Variants in BARX2 observed in about 807,000 individuals in gnomAD.
The protein encoded by BARX2 is BARX homeobox 2.
A neutral mutation model predicts 25.5 loss-of-function variants in BARX2; 11 were observed. The ratio of observed to expected loss-of-function variants is 0.43; its 90% CI spans 0.27 to 0.71. BARX2 has a LOEUF of 0.71. BARX2 is among the 30% of genes least tolerant of loss of function. The pLI, the probability that BARX2 is intolerant of heterozygous loss-of-function variation, is 0.19. For missense variants in BARX2, 360 were observed against 359.9 expected (o/e 1.00, Z 0.00); for synonymous variants, 137 against 149.5 (o/e 0.92, Z 0.61).
chr11:129,404,372 T>C (rs935555906), intron 1 of BARX2, among the ~76,000 whole-genome samples: 1 of 152,194 alleles, frequency 6.6e-6, no homozygotes, highest in Non-Finnish European at 1.5e-5. Flanking sequence ...GTGACACTTA[T>C]CACCTTGCTT....
At chr11:129,378,243 T>C (rs1221869168) in intron 1 of BARX2, among the ~76,000 whole-genome samples, 1 of 152,220 alleles carries the variant, frequency 6.6e-6, no homozygotes, top group Non-Finnish European at 1.5e-5. Context: ...AATTAAAATA[T>C]AGAAACTGGG....
In BARX2 at chr11:129,442,730, C is replaced by T. The variant is rs1401379008; in HGVS notation, c.489-105C>T. Reference sequence around the variant, plus strand: ...CTCGTTTAATGGGGGAGGTCCGAGCCTTGGTAGCCAGTGCTGGAGCCTGTC... The same window carrying T: ...CTCGTTTAATGGGGGAGGTCCGAGCTTTGGTAGCCAGTGCTGGAGCCTGTC... On this transcript the variant is annotated intron_variant, in intron 2 of 3. Coordinates refer to ENST00000281437, the MANE Select transcript of BARX2 (RefSeq NM_003658.5). The T allele has an allele frequency of 5.0e-6, 5 of 1,002,226 alleles. No individual in the cohort carries two copies. In the South Asian group the frequency reaches 6.4e-5, roughly 13 times the overall value. The allele number at this position is 1,002,226 out of a possible 1,614,324, so 62.1% of individuals were successfully genotyped here.
At chr11:129,444,635 GGTT>G (rs1862302589) in intron 3 of BARX2, among the ~76,000 whole-genome samples, 1 of 152,170 alleles carries the variant, frequency 6.6e-6, no homozygotes. Flanking sequence ...ATTAAGTGCT[GGTT>G]GTTACGGATT....
chr11:129,434,163 T>A (rs1194812104), intron 1 of BARX2, among the ~76,000 whole-genome samples: 1 of 151,962 alleles, frequency 6.6e-6, no homozygotes, highest in Non-Finnish European at 1.5e-5. Flanking sequence ...TGATTTTACA[T>A]CATATTTTTC....
intron 3 of BARX2, among the ~76,000 whole-genome samples, chr11:129,447,887 C>T (rs1862350279): frequency 6.6e-6 from 1 of 152,178 alleles, no homozygotes; most frequent in South Asian, 2.1e-4. Context: ...TAAATTCCAT[C>T]TTGGCACAAT....
intron 1 of BARX2, among the ~76,000 whole-genome samples, chr11:129,381,497 T>C (rs966543829): frequency 6.6e-6 from 1 of 152,206 alleles, no homozygotes; most frequent in African/African-American, 2.4e-5. Flanking sequence ...GAATTTTCTC[T>C]TTGAACTCTA....
intron 1 of BARX2, among the ~76,000 whole-genome samples, chr11:129,424,273 G>C (rs949139693): frequency 2.6e-5 from 4 of 152,192 alleles, no homozygotes; most frequent in East Asian, 1.9e-4. Context: ...GCTTGTGACT[G>C]TCTCTGACAC....
intron 1 of BARX2, among the ~76,000 whole-genome samples, chr11:129,400,820 T>C (rs1861767988): frequency 6.6e-6 from 1 of 152,066 alleles, no homozygotes; most frequent in Non-Finnish European, 1.5e-5. Context: ...GCAGAGGGAC[T>C]CCCAGCATAT....
At chr11:129,377,213 T>G (rs1047142312) in intron 1 of BARX2, among the ~76,000 whole-genome samples, 1 of 152,206 alleles carries the variant, frequency 6.6e-6, no homozygotes, top group African/African-American at 2.4e-5. Flanking sequence ...TGAGATAAAT[T>G]AAATTACACT....
chr11:129,383,839 A>G (rs1328593532), intron 1 of BARX2, among the ~76,000 whole-genome samples: 1 of 152,046 alleles, frequency 6.6e-6, no homozygotes, highest in African/African-American at 2.4e-5. Flanking sequence ...TCTTCTGGGT[A>G]TTGAGGAAAG....
At chr11:129,380,512 A>C (rs1225847913) in intron 1 of BARX2, among the ~76,000 whole-genome samples, 2 of 152,120 alleles carry the variant, frequency 1.3e-5, no homozygotes, top group Non-Finnish European at 2.9e-5. Flanking sequence ...AACTCATAGG[A>C]TCTTAGGAAC....
intron 1 of BARX2, among the ~76,000 whole-genome samples, chr11:129,379,969 A>G (rs552712774): frequency 1.3e-5 from 2 of 151,872 alleles, no homozygotes; most frequent in Middle Eastern, 3.4e-3. Context: ...GGTCTGTTGA[A>G]TCTCTTACCT....
chr11:129,417,050 C>T (rs933903632), intron 1 of BARX2, among the ~76,000 whole-genome samples: 57 of 151,946 alleles, frequency 3.8e-4, no homozygotes, highest in African/African-American at 1.3e-3. Flanking sequence ...TGCAGGCTCC[C>T]GCCACCACGC....
intron 2 of BARX2, among the ~76,000 whole-genome samples, chr11:129,442,488 G>A (rs372983490): frequency 2.0e-5 from 3 of 152,296 alleles, no homozygotes; most frequent in South Asian, 4.2e-4. Flanking sequence ...CAGTCTGGAC[G>A]ATGGGCCAGA....
Position 129,426,678 on chromosome 11 carries a change from C to T in BARX2, c.188-10073C>T, listed in dbSNP as rs866093323. Among the ~76,000 whole-genome samples the T allele has an allele frequency of 7.2e-5, 11 of 152,118 alleles. No homozygotes were observed. In the South Asian group the frequency reaches 1.2e-3, roughly 17 times the overall value. ...AGGCGTGAGCCACCACACCTGGCCC[C>T]GCTGCCTGCAGTTTTTAGAAATTGG... On this transcript the variant is annotated intron_variant, in intron 1 of 3. Coordinates refer to ENST00000281437, the MANE Select transcript of BARX2 (RefSeq NM_003658.5).
At chr11:129,428,709 G>C (rs1862094623) in intron 1 of BARX2, among the ~76,000 whole-genome samples, 1 of 152,174 alleles carries the variant, frequency 6.6e-6, no homozygotes, top group South Asian at 2.1e-4. Context: ...TCCCATTCCA[G>C]CCGTGCCTGT....
intron 1 of BARX2, among the ~76,000 whole-genome samples, chr11:129,417,924 T>A (rs1861962539): frequency 6.6e-6 from 1 of 152,228 alleles, no homozygotes; most frequent in Non-Finnish European, 1.5e-5. Flanking sequence ...GCAGAAGAGA[T>A]CCTGCAGTTT....
chr11:129,442,947 C>T, intron 3 of BARX2, 28 bp downstream of exon 3: 1 of 1,586,736 alleles, frequency 6.3e-7, no homozygotes, highest in Non-Finnish European at 8.7e-7. Context: ...AACCATGATC[C>T]CTTCCTGATG....
chr11:129,447,378 A>G (rs1862343427), intron 3 of BARX2, among the ~76,000 whole-genome samples: 1 of 152,222 alleles, frequency 6.6e-6, no homozygotes, highest in South Asian at 2.1e-4. Flanking sequence ...TCCGAGAGGC[A>G]GAAGGAGGCA....
Sources: gnomAD v4.1 joint callset for allele counts (sites outside exome capture counted in the v4.1 genomes callset) on GRCh38, gnomAD v4.1.1 for gene constraint, MANE v1.5 for transcripts, NCBI Gene and HGNC (gene_info 2026-07-23, HGNC 2026-07-21) for gene names.